Variants in TUSC3 observed in about 807,000 individuals in gnomAD.
TUSC3 encodes the protein tumor suppressor candidate 3.
In TUSC3, 45 loss-of-function variants were observed where a neutral mutation model predicts 44.8. That is an observed-to-expected ratio of 1.00 (90% CI 0.79 to 1.29). The LOEUF (loss-of-function observed/expected upper bound fraction) is 1.29. Ranked by LOEUF, TUSC3 falls within the 50% of genes most tolerant of loss-of-function variation. The probability of loss-of-function intolerance (pLI) is 0.00; values close to 1 mark genes in which losing one functional copy is unlikely to be tolerated. For synonymous variants in TUSC3, 212 were observed against 152.9 expected, an observed-to-expected ratio of 1.39 and a Z score of -2.85; for missense variants, 519 against 437.9, an observed-to-expected ratio of 1.19 and a Z score of -1.65.
intron 2 of TUSC3, among the ~76,000 whole-genome samples, chr8:15,494,931 TTTCTC>T (rs142330615): frequency 0.23 from 34,585 of 151,928 alleles, 4,616 homozygotes; most frequent in Non-Finnish European, 0.31. Context: ...TTTTTAAACT[TTTCTC>T]TTAATAGCAA....
intron 1 of TUSC3, among the ~76,000 whole-genome samples, chr8:15,571,164 G>A (rs1412933056): frequency 6.6e-6 from 1 of 151,698 alleles, no homozygotes; most frequent in African/African-American, 2.4e-5. Flanking sequence ...CTGTTGGCCA[G>A]GCTGGTCTCG....
Position 15,553,164 on chromosome 8 carries a change from G to C in TUSC3, c.138+12596G>C. On this transcript the variant is annotated intron_variant, in intron 1 of 10. Transcript: ENST00000503731. ...GATGCCTGTGTGATATCTAAACTGAGATGTTTGAGAAGCAGAATATATGGA... is the reference window on the plus strand; with the variant it reads ...GATGCCTGTGTGATATCTAAACTGACATGTTTGAGAAGCAGAATATATGGA... Among the ~76,000 whole-genome samples the C allele has an allele frequency of 1.3e-5, 2 of 151,764 alleles. 1 individual carries two copies. The highest frequency in any genetic ancestry group is 3.9e-4 in the East Asian group (2 of 5,148).
chr8:15,774,255 T>C, the TUSC3 span, among the ~76,000 whole-genome samples: 1 of 151,064 alleles, frequency 6.6e-6, no homozygotes, highest in Non-Finnish European at 1.5e-5. Context: ...AAAAGATAAG[T>C]TGAAGTCCTG....
the TUSC3 span, among the ~76,000 whole-genome samples, chr8:15,774,371 A>T: frequency 6.6e-6 from 1 of 152,138 alleles, no homozygotes; most frequent in Non-Finnish European, 1.5e-5. Flanking sequence ...ATCCAGTATT[A>T]CTGGTGCCCT....
intron 1 of TUSC3, among the ~76,000 whole-genome samples, chr8:15,620,824 G>A (rs1230615303): frequency 2.0e-5 from 3 of 152,126 alleles, no homozygotes; most frequent in African/African-American, 7.2e-5. Flanking sequence ...TGAAACTGGG[G>A]CTGGCTTCTT....
At chr8:15,497,895 C>T (rs1800904916) in intron 2 of TUSC3, among the ~76,000 whole-genome samples, 1 of 151,988 alleles carries the variant, frequency 6.6e-6, no homozygotes, top group Non-Finnish European at 1.5e-5. Flanking sequence ...TGTAATCTCT[C>T]CTGCCACCAT....
chr8:15,679,664 T>C lies in TUSC3; in HGVS notation c.798+5828T>C, dbSNP rs190575179. ...TTTGAAGACTTAGTCATAAAATGTT[T>C]GCCTATGCCAGTGTCCAAAAGGATA... On this transcript the variant is annotated intron_variant, in intron 6 of 10. Coordinates refer to ENST00000503731, the MANE Select transcript of TUSC3 (RefSeq NM_006765.4). 4.6e-5 allele frequency among the ~76,000 whole-genome samples: 7 copies of C among 152,300 alleles called. No individual in the cohort carries two copies. The East Asian group carries it at 1.3e-3, about 29-fold the overall frequency.
At chr8:15,577,447 C>G (rs201994878) in intron 1 of TUSC3, among the ~76,000 whole-genome samples, 3,578 of 150,820 alleles carry the variant, frequency 0.024, 173 homozygotes, top group East Asian at 0.2. Context: ...ATGGTTTTAG[C>G]TCTAATGTTT....
intron 6 of TUSC3, among the ~76,000 whole-genome samples, chr8:15,710,452 C>T (rs1165372682): frequency 6.6e-6 from 1 of 151,672 alleles, no homozygotes; most frequent in Non-Finnish European, 1.5e-5. Flanking sequence ...CGAACAAGGG[C>T]CTTCATTCTA....
chr8:15,520,264 ATATGT>A (rs1801279327), intron 2 of TUSC3, among the ~76,000 whole-genome samples: 1 of 152,202 alleles, frequency 6.6e-6, no homozygotes, highest in Non-Finnish European at 1.5e-5. Context: ...AAGGATATAG[ATATGT>A]TTAAATATCT....
At chr8:15,748,307 A>G in intron 8 of TUSC3, 68 bp from the exon 9 acceptor site, 1 of 1,212,912 alleles carries the variant, frequency 8.2e-7, no homozygotes, top group Non-Finnish European at 1.2e-6. Context: ...ATGCATTTAA[A>G]AATATAAACA....
At chr8:15,494,655 C>A (rs1800856105) in intron 2 of TUSC3, among the ~76,000 whole-genome samples, 1 of 152,188 alleles carries the variant, frequency 6.6e-6, no homozygotes, top group Non-Finnish European at 1.5e-5. Context: ...CACTAACCAC[C>A]TTTGCACGTC....
intron 1 of TUSC3, among the ~76,000 whole-genome samples, chr8:15,594,678 T>C (rs1345199701): frequency 1.3e-5 from 2 of 152,350 alleles, no homozygotes; most frequent in East Asian, 3.9e-4. Context: ...TTTTTCAATT[T>C]GGCTGGTGGG....
chr8:15,648,220 T>C (rs1806715518), intron 2 of TUSC3, among the ~76,000 whole-genome samples: 1 of 152,184 alleles, frequency 6.6e-6, no homozygotes, highest in Non-Finnish European at 1.5e-5. Context: ...ACATTGGTGT[T>C]TTATTTGGGC....
downstream of TUSC3, among the ~76,000 whole-genome samples, chr8:15,767,734 C>T (rs759697483): frequency 9.2e-5 from 14 of 152,146 alleles, 1 homozygote; most frequent in Admixed American, 6.6e-4. Flanking sequence ...CTTCGGTTGA[C>T]GTAACTCAGA....
the TUSC3 span, among the ~76,000 whole-genome samples, chr8:15,812,265 G>C: frequency 6.6e-6 from 1 of 152,118 alleles, no homozygotes. Flanking sequence ...AGGTTCAAAA[G>C]AATCACAAAC....
chr8:15,739,351 A>C (rs944356240), intron 7 of TUSC3, among the ~76,000 whole-genome samples: 3 of 152,144 alleles, frequency 2.0e-5, no homozygotes, highest in Non-Finnish European at 4.4e-5. Flanking sequence ...GTTCATGAGC[A>C]TACTTCTGGC....
At chr8:15,436,039 G>A (rs1474413877) in intron 1 of TUSC3, among the ~76,000 whole-genome samples, 1 of 152,132 alleles carries the variant, frequency 6.6e-6, no homozygotes, top group Non-Finnish European at 1.5e-5. Context: ...CTTGACTGAG[G>A]CTGGAATACC....
intron 6 of TUSC3, among the ~76,000 whole-genome samples, chr8:15,723,023 G>A (rs939730490): frequency 6.6e-5 from 10 of 152,090 alleles, no homozygotes; most frequent in African/African-American, 2.4e-4. Context: ...TATTGTGTAG[G>A]AGTTTCCATA....
Sources: allele counts gnomAD v4.1 joint callset (sites outside exome capture counted in the v4.1 genomes callset), GRCh38; gene constraint gnomAD v4.1.1; transcripts MANE v1.5; gene names NCBI Gene and HGNC (gene_info 2026-07-23, HGNC 2026-07-21).